Variants in COL21A1 observed in about 807,000 individuals in gnomAD.
COL21A1 encodes collagen alpha-1(XXI) chain.
Under a neutral mutation model 137.9 loss-of-function variants are expected in COL21A1, and 149 were observed. The ratio of observed to expected loss-of-function variants is 1.08; its 90% CI spans 0.95 to 1.24. COL21A1 has a LOEUF of 1.24. Among genes scored for constraint, COL21A1 ranks in the 50% most tolerant of loss-of-function variants. COL21A1 has a pLI of 0.00. For missense variants in COL21A1, 1,167 were observed against 1,158.4 expected (o/e 1.01, Z -0.11); for synonymous variants, 456 against 391.5 (o/e 1.16, Z -1.95).
chr6:56,129,351 A>G (rs1181913950), intron 12 of COL21A1, among the ~76,000 whole-genome samples: 2 of 152,068 alleles, frequency 1.3e-5, no homozygotes, highest in African/African-American at 2.4e-5. Flanking sequence ...TAATACAGTA[A>G]CTGGTGATAT....
At chr6:56,261,003 C>T (rs1294043457) in intron 1 of COL21A1, among the ~76,000 whole-genome samples, 1 of 151,324 alleles carries the variant, frequency 6.6e-6, no homozygotes, top group African/African-American at 2.4e-5. Flanking sequence ...ATTTGAAAGA[C>T]AAGTTTCAAT....
At chr6:56,173,564 A>T (rs2152275192) in intron 3 of COL21A1, among the ~76,000 whole-genome samples, 1 of 152,314 alleles carries the variant, frequency 6.6e-6, no homozygotes, top group East Asian at 1.9e-4. Flanking sequence ...GACATCAGAG[A>T]TGTCTATACT....
intron 1 of COL21A1, among the ~76,000 whole-genome samples, chr6:56,284,265 G>C (rs1393903980): frequency 6.6e-6 from 1 of 152,106 alleles, no homozygotes; most frequent in Non-Finnish European, 1.5e-5. Flanking sequence ...TGTTGCCCAG[G>C]CTGGTCTCTA....
chr6:56,136,657 A>G (rs1774026582), intron 12 of COL21A1, among the ~76,000 whole-genome samples: 1 of 152,134 alleles, frequency 6.6e-6, no homozygotes. Context: ...GAACATGAGA[A>G]CTACTATTTT....
At chr6:56,251,448 G>A (rs535409338), upstream of COL21A1, among the ~76,000 whole-genome samples, 3 of 152,148 alleles carry the variant, frequency 2.0e-5, no homozygotes, top group Non-Finnish European at 4.4e-5. Flanking sequence ...GTCCAAGGGA[G>A]AAAAACATCA....
At chr6:56,173,050 G>A (rs1001723670) in intron 3 of COL21A1, among the ~76,000 whole-genome samples, 2 of 152,092 alleles carry the variant, frequency 1.3e-5, no homozygotes, top group African/African-American at 2.4e-5. Flanking sequence ...TTCCCTATCA[G>A]TAATTACCTT....
intron 1 of COL21A1, among the ~76,000 whole-genome samples, chr6:56,321,064 C>T (rs185776627): frequency 9.2e-5 from 14 of 152,242 alleles, no homozygotes; most frequent in Middle Eastern, 3.4e-3. Flanking sequence ...TAATAAGTAG[C>T]TCATCCACTA....
intron 1 of COL21A1, among the ~76,000 whole-genome samples, chr6:56,341,584 A>G (rs1014896852): frequency 1.3e-5 from 2 of 152,230 alleles, no homozygotes; most frequent in Non-Finnish European, 2.9e-5. Flanking sequence ...AGGAGAAAGG[A>G]AGGGATGAAT....
chr6:56,341,930 AT>A (rs541494415), intron 1 of COL21A1, among the ~76,000 whole-genome samples: 448 of 152,334 alleles, frequency 2.9e-3, no homozygotes, highest in African/African-American at 0.01. Flanking sequence ...ATCACAAAAA[AT>A]AATGATAAAA....
intron 12 of COL21A1, among the ~76,000 whole-genome samples, chr6:56,130,511 T>C (rs1362714384): frequency 2.6e-5 from 4 of 152,080 alleles, no homozygotes; most frequent in Non-Finnish European, 5.9e-5. Flanking sequence ...AGATTCCCTA[T>C]TAAGGCTGAA....
chr6:56,383,075 T>C (rs2094011499), intron 1 of COL21A1, among the ~76,000 whole-genome samples: 1 of 152,220 alleles, frequency 6.6e-6, no homozygotes, highest in Admixed American at 6.5e-5. Flanking sequence ...TACAGGATGC[T>C]ATAACAGATT....
At chr6:56,327,507 A>G (rs890579794) in intron 1 of COL21A1, among the ~76,000 whole-genome samples, 4 of 152,054 alleles carry the variant, frequency 2.6e-5, no homozygotes, top group Admixed American at 1.3e-4. Flanking sequence ...ACAGGTGGCC[A>G]TTTTTCCAGA....
chr6:56,180,872 T>C (rs1377220616), intron 2 of COL21A1, among the ~76,000 whole-genome samples: 6 of 152,226 alleles, frequency 3.9e-5, no homozygotes, highest in Admixed American at 1.3e-4. Context: ...TTCCAAACTA[T>C]TGGAATTGCC....
At chr6:56,297,111 C>G (rs981295956) in intron 1 of COL21A1, among the ~76,000 whole-genome samples, 3 of 151,966 alleles carry the variant, frequency 2.0e-5, no homozygotes, top group Admixed American at 6.6e-5. Flanking sequence ...ATACTGAGCC[C>G]AAACATTTTT....
chr6:56,192,024 C>A (rs1183080428), intron 1 of COL21A1, among the ~76,000 whole-genome samples: 1 of 152,078 alleles, frequency 6.6e-6, no homozygotes, highest in African/African-American at 2.4e-5. Context: ...TGGAACAGAA[C>A]AGAGGCCTCA....
At chr6:56,262,105 C>A (rs10498810) in intron 1 of COL21A1, among the ~76,000 whole-genome samples, 22,900 of 152,186 alleles carry the variant, frequency 0.15, 3,233 homozygotes, top group East Asian at 0.61. Flanking sequence ...TTTCTCAAAC[C>A]TGGTGTCTTT....
intron 25 of COL21A1, 62 bp from the exon 26 acceptor site, chr6:56,061,099 A>G (rs890097030): frequency 5.0e-5 from 70 of 1,405,834 alleles, no homozygotes; most frequent in Non-Finnish European, 6.4e-5. Context: ...TAATTGCATC[A>G]TGAAGCTCGT....
At chr6:56,293,849 A>G (rs184699269) in intron 1 of COL21A1, among the ~76,000 whole-genome samples, 1 of 152,332 alleles carries the variant, frequency 6.6e-6, no homozygotes, top group African/African-American at 2.4e-5. Context: ...TAATTATGCA[A>G]AATGCATTCA....
At chr6:56,063,166 A>G (rs1562137048) in intron 24 of COL21A1, among the ~76,000 whole-genome samples, 1 of 152,078 alleles carries the variant, frequency 6.6e-6, no homozygotes, top group Non-Finnish European at 1.5e-5. Flanking sequence ...TAGGGAACCC[A>G]AATCCTGCCT....
Sources: gnomAD v4.1 joint callset for allele counts (sites outside exome capture counted in the v4.1 genomes callset) on GRCh38, gnomAD v4.1.1 for gene constraint, MANE v1.5 for transcripts, NCBI Gene and HGNC (gene_info 2026-07-23, HGNC 2026-07-21) for gene names.